MICU2: variants seen among roughly 807,000 people sequenced by gnomAD.
MICU2 encodes the protein calcium uptake protein 2, mitochondrial.
Under a neutral mutation model 60.4 loss-of-function variants are expected in MICU2, and 64 were observed. That is an observed-to-expected ratio of 1.06 (90% CI 0.87 to 1.31). The LOEUF is 1.31. MICU2 is among the 50% of genes most tolerant of loss of function. The pLI, the probability that MICU2 is intolerant of heterozygous loss-of-function variation, is 0.00. For missense variants in MICU2, 569 were observed against 531.0 expected (o/e 1.07, Z -0.70); for synonymous variants, 201 against 175.0 (o/e 1.15, Z -1.17).
chr13:21,562,089 A>G (rs1887859798), intron 2 of MICU2, among the ~76,000 whole-genome samples: 2 of 150,538 alleles, frequency 1.3e-5, no homozygotes, highest in Admixed American at 1.3e-4. Context: ...TATGTGCCAC[A>G]TTTTCTTAAT....
intron 2 of MICU2, among the ~76,000 whole-genome samples, chr13:21,565,652 C>T (rs557674968): frequency 2.0e-4 from 30 of 146,688 alleles, no homozygotes; most frequent in African/African-American, 4.0e-4. Flanking sequence ...AGCGAGACTC[C>T]GTCTCAAAAA....
At position 21,565,426 on chromosome 13, in the gene MICU2, G is replaced by A. The variant is rs550458647; in HGVS notation, c.358+1371C>T. Among the ~76,000 whole-genome samples the A allele has an allele frequency of 1.2e-3, 188 of 152,272 alleles. 1 individual carries two copies. Among genetic ancestry groups the A allele is most frequent in the African/African-American group, 4.4e-3 (181 of 41,546 alleles). On this transcript the variant is annotated intron_variant, in intron 2 of 11. Coordinates refer to ENST00000382374, the MANE Select transcript of MICU2 (RefSeq NM_152726.3). Reference sequence around the variant, plus strand: ...CAATCCCAGCACTTTGGGAGGCCGGGGAGGGTGGATCACGAGATCAGGGGA... The same window carrying A: ...CAATCCCAGCACTTTGGGAGGCCGGAGAGGGTGGATCACGAGATCAGGGGA...
At chr13:21,539,718 T>TA in intron 2 of MICU2, 30 bp from the exon 3 acceptor site, 5 of 1,602,946 alleles carry the variant, frequency 3.1e-6, no homozygotes, top group Non-Finnish European at 4.3e-6. Context: ...TTATTTAGTA[T>TA]CCATATTCTT....
rs551822978 is a variant in MICU2, at chr13:21,548,720, C to A, written c.359-9032G>T. Among the ~76,000 whole-genome samples the A allele has an allele frequency of 2.6e-5, 4 of 152,242 alleles. No homozygotes were observed. The South Asian group carries it at 6.2e-4, about 24-fold the overall frequency. ...ACAATTGACACCTGGCATCCCAAGA[C>A]ACCTTCACATAGGTTATAAATATTT... On this transcript the variant is annotated intron_variant, in intron 2 of 11. Coordinates refer to ENST00000382374, the MANE Select transcript of MICU2 (RefSeq NM_152726.3).
At chr13:21,508,270 T>C (rs1566141115) in intron 8 of MICU2, among the ~76,000 whole-genome samples, 1 of 151,838 alleles carries the variant, frequency 6.6e-6, no homozygotes. Context: ...GGTCTACAGG[T>C]GCCTGCCACC....
At chr13:21,544,532 A>AAAAAAAAAAAAAC (rs560934524) in intron 2 of MICU2, among the ~76,000 whole-genome samples, 8 of 132,588 alleles carry the variant, frequency 6.0e-5, no homozygotes, top group Middle Eastern at 4.3e-3. Context: ...AAAAAAAAAA[A>AAAAAAAAAAAAAC]AACTCAATAC....
intron 2 of MICU2, among the ~76,000 whole-genome samples, chr13:21,562,451 T>C (rs1440260868): frequency 6.6e-6 from 1 of 151,952 alleles, no homozygotes; most frequent in Non-Finnish European, 1.5e-5. Flanking sequence ...ATTTTTTTTG[T>C]CTTCCACTCT....
intron 1 of MICU2, among the ~76,000 whole-genome samples, chr13:21,600,582 GA>G (rs758639958): frequency 3.9e-5 from 6 of 152,224 alleles, no homozygotes; most frequent in Admixed American, 1.3e-4. Flanking sequence ...CAAAACTTGT[GA>G]AAGGAAGAAA....
In MICU2 at chr13:21,503,096, A is replaced by C. The variant is rs1441269649; in HGVS notation, c.763T>G (p.Phe255Val). 6.3e-7 allele frequency: 1 copy of C among 1,587,434 alleles called. No individual in the cohort carries two copies. Among genetic ancestry groups the C allele is most frequent in the African/African-American group, 1.4e-5 (1 of 73,410 alleles). The change falls in exon 9 of 12, where the codon TTT (phenylalanine) becomes GTT (valine). Residue 255 changes from phenylalanine to valine, a missense_variant and splice_region_variant. Coordinates refer to ENST00000382374, the MANE Select transcript of MICU2 (RefSeq NM_152726.3). ...ATCTCTGTTTGTAAATTTTCCATAA[A>C]TCTGAATGTTAAAATACAAAATTAG... ...RKLHYKEFRRFMENLQTEIQE... is the reference protein window; with the variant it reads ...RKLHYKEFRRVMENLQTEIQE...
chr13:21,512,684 C>T (rs1020054888), intron 7 of MICU2, among the ~76,000 whole-genome samples: 7 of 152,104 alleles, frequency 4.6e-5, no homozygotes, highest in South Asian at 2.1e-4. Context: ...CTCCTGACCT[C>T]GTTATCTGCC....
intron 4 of MICU2, among the ~76,000 whole-genome samples, chr13:21,535,290 T>C (rs1468174025): frequency 6.6e-6 from 1 of 152,170 alleles, no homozygotes; most frequent in Non-Finnish European, 1.5e-5. Flanking sequence ...ATCAAAATTA[T>C]TATAGAACCC....
intron 1 of MICU2, among the ~76,000 whole-genome samples, chr13:21,573,708 T>C (rs1207994157): frequency 6.6e-6 from 1 of 151,970 alleles, no homozygotes. Flanking sequence ...TTCAACCTTT[T>C]AAAAACTGTT....
intron 9 of MICU2, among the ~76,000 whole-genome samples, chr13:21,501,591 A>G (rs576818492): frequency 6.6e-6 from 1 of 152,236 alleles, no homozygotes; most frequent in South Asian, 2.1e-4. Flanking sequence ...CAATAATTCA[A>G]TGGTATTTTT....
intron 1 of MICU2, among the ~76,000 whole-genome samples, chr13:21,588,097 C>A (rs1270977673): frequency 6.6e-6 from 1 of 152,178 alleles, no homozygotes; most frequent in Non-Finnish European, 1.5e-5. Flanking sequence ...GTTGGTCCAA[C>A]GTTCTGCGGA....
At chr13:21,569,635 CTG>C (rs1230247232) in intron 1 of MICU2, among the ~76,000 whole-genome samples, 1 of 151,760 alleles carries the variant, frequency 6.6e-6, no homozygotes, top group Non-Finnish European at 1.5e-5. Flanking sequence ...GGGGGCAACT[CTG>C]TAGTATTATA....
chr13:21,495,320 T>C lies in MICU2; in HGVS notation c.1043-2A>G. ...CTTTCACAGCTCTCTTAAACTCCGC[T>C]AAAAAACAAACATAAAACAACTTAT... On this transcript the variant is annotated splice_acceptor_variant, in intron 10 of 11. Coordinates refer to ENST00000382374, the MANE Select transcript of MICU2 (RefSeq NM_152726.3). LOFTEE classifies it high-confidence loss of function. 3 of 1,579,044 alleles carry C rather than the reference T, an allele frequency of 1.9e-6. No individual in the cohort carries two copies. Among genetic ancestry groups the C allele is most frequent in the Non-Finnish European group, 2.6e-6 (3 of 1,164,012 alleles).
chr13:21,589,059 A>G (rs1888516949), intron 1 of MICU2, among the ~76,000 whole-genome samples: 1 of 152,222 alleles, frequency 6.6e-6, no homozygotes, highest in Non-Finnish European at 1.5e-5. Context: ...CTTAGACATG[A>G]TATTAGCAGA....
intron 2 of MICU2, among the ~76,000 whole-genome samples, chr13:21,545,756 G>A (rs909396691): frequency 6.6e-6 from 1 of 152,100 alleles, no homozygotes; most frequent in African/African-American, 2.4e-5. Context: ...GGAAGAGAGG[G>A]ATAGGAAGAG....
At chr13:21,535,046 GGTATGCTT>G (rs1887099915) in intron 4 of MICU2, among the ~76,000 whole-genome samples, 1 of 151,992 alleles carries the variant, frequency 6.6e-6, no homozygotes, top group South Asian at 2.1e-4. Context: ...TCAGAAGCAC[GGTATGCTT>G]CTAAGGTTTT....
Sources: gnomAD v4.1 joint callset for allele counts (sites outside exome capture counted in the v4.1 genomes callset) on GRCh38, gnomAD v4.1.1 for gene constraint, MANE v1.5 for transcripts, NCBI Gene and HGNC (gene_info 2026-07-23, HGNC 2026-07-21) for gene names.